SNX30: variants seen among roughly 807,000 people sequenced by gnomAD.
The protein encoded by SNX30 is sorting nexin family member 30.
In SNX30, 24 loss-of-function variants were observed where a neutral mutation model predicts 46.4. The observed-to-expected ratio is 0.52, with a 90% CI of 0.37 to 0.73. The LOEUF is 0.73. SNX30 is among the 30% of genes least tolerant of loss of function. The probability of loss-of-function intolerance (pLI) is 0.00; values close to 1 mark genes in which losing one functional copy is unlikely to be tolerated. For missense variants in SNX30, 533 were observed against 555.7 expected (o/e 0.96, Z 0.41); for synonymous variants, 189 against 211.5 (o/e 0.89, Z 0.92).
intron 3 of SNX30, among the ~76,000 whole-genome samples, chr9:112,825,176 A>G (rs1840563023): frequency 6.6e-6 from 1 of 152,220 alleles, no homozygotes; most frequent in African/African-American, 2.4e-5. Flanking sequence ...ACGGTTTTCC[A>G]CAGTGGCTTA....
At chr9:112,758,302 A>C (rs1839382001) in intron 1 of SNX30, among the ~76,000 whole-genome samples, 1 of 149,740 alleles carries the variant, frequency 6.7e-6, no homozygotes, top group South Asian at 2.1e-4. Context: ...GCTCACTCCC[A>C]TCAATATTTA....
At chr9:112,753,218 A>G (rs887953867) in intron 1 of SNX30, among the ~76,000 whole-genome samples, 3 of 152,194 alleles carry the variant, frequency 2.0e-5, no homozygotes, top group Non-Finnish European at 2.9e-5. Context: ...TACCTGACTC[A>G]GAAGTATGAG....
intron 8 of SNX30, chr9:112,866,410 G>A: frequency 2.1e-6 from 1 of 470,378 alleles, no homozygotes; most frequent in South Asian, 1.5e-5. Context: ...CCCTGGGGCA[G>A]GAAAGAGTTT....
chr9:112,804,416 C>T (rs560347147), intron 1 of SNX30, among the ~76,000 whole-genome samples: 120 of 152,326 alleles, frequency 7.9e-4, no homozygotes, highest in Non-Finnish European at 1.5e-3. Context: ...CCACCTGTCT[C>T]GGCCTCCCAA....
At chr9:112,788,451 G>C (rs188968341) in intron 1 of SNX30, among the ~76,000 whole-genome samples, 2 of 152,306 alleles carry the variant, frequency 1.3e-5, no homozygotes, top group African/African-American at 4.8e-5. Flanking sequence ...GTACAGTTAA[G>C]AGGAATTGGG....
chr9:112,848,320 A>G (rs947778376), intron 6 of SNX30, among the ~76,000 whole-genome samples: 4 of 152,050 alleles, frequency 2.6e-5, no homozygotes, highest in Admixed American at 1.3e-4. Flanking sequence ...AATTTTATCA[A>G]TAGAGACTGG....
intron 3 of SNX30, among the ~76,000 whole-genome samples, chr9:112,824,067 A>C (rs1001146680): frequency 1.3e-5 from 2 of 152,216 alleles, no homozygotes; most frequent in Non-Finnish European, 2.9e-5. Context: ...TGCTTAGAAG[A>C]AGCAAGTCAT....
chr9:112,806,371 A>G (rs1840224288), intron 2 of SNX30, among the ~76,000 whole-genome samples: 1 of 152,092 alleles, frequency 6.6e-6, no homozygotes, highest in Non-Finnish European at 1.5e-5. Flanking sequence ...AAGCTATCCT[A>G]TTTCTTGGTA....
chr9:112,798,121 C>CTTTTTTTTTTT (rs57300324), intron 1 of SNX30, among the ~76,000 whole-genome samples: 2 of 77,884 alleles, frequency 2.6e-5, no homozygotes, highest in African/African-American at 5.1e-5. Flanking sequence ...TTTTTTTTTT[C>CTTTTTTTTTTT]TTTTTTTTTT....
chr9:112,774,734 A>C (rs1275237051), intron 1 of SNX30, among the ~76,000 whole-genome samples: 1 of 152,070 alleles, frequency 6.6e-6, no homozygotes, highest in East Asian at 1.9e-4. Context: ...TTCACATGCA[A>C]ATTGGCTATT....
At chr9:112,868,626 C>T (rs1841398361) in intron 8 of SNX30, among the ~76,000 whole-genome samples, 158 bp from the exon 9 acceptor site, 1 of 152,202 alleles carries the variant, frequency 6.6e-6, no homozygotes, top group Non-Finnish European at 1.5e-5. Context: ...CACCTGTTAC[C>T]TCCCCGTTTG....
intron 6 of SNX30, among the ~76,000 whole-genome samples, chr9:112,846,506 C>T (rs1047924640): frequency 6.6e-6 from 1 of 152,214 alleles, no homozygotes; most frequent in African/African-American, 2.4e-5. Context: ...CTAGTGATAT[C>T]ACCAGTACCA....
intron 4 of SNX30, among the ~76,000 whole-genome samples, chr9:112,836,007 T>G (rs533854808): frequency 3.3e-5 from 5 of 152,276 alleles, no homozygotes; most frequent in African/African-American, 1.2e-4. Context: ...TGAAAGGGAT[T>G]TAAGTGTCAA....
intron 2 of SNX30, among the ~76,000 whole-genome samples, chr9:112,811,738 C>G (rs7856199): frequency 0.76 from 115,891 of 152,088 alleles, 44,644 homozygotes; most frequent in South Asian, 0.86. Context: ...TTTGGACATT[C>G]TGCATTGTGG....
At chr9:112,775,446 C>A (rs1174945201) in intron 1 of SNX30, among the ~76,000 whole-genome samples, 1 of 151,858 alleles carries the variant, frequency 6.6e-6, no homozygotes, top group Non-Finnish European at 1.5e-5. Context: ...CTGTGCCCGG[C>A]CTAAATTTTC....
In SNX30 at chr9:112,870,488, T is replaced by C. The variant is rs1017111795; in HGVS notation, c.*1645T>C. On this transcript the variant is annotated 3_prime_UTR_variant, in exon 9 of 9. Transcript: ENST00000374232. Reference sequence around the variant, plus strand: ...GGTTCTGTTTCATTGTGTTTGACAATGTTGCAGTTTAAATGATAATGTTTA... The same window carrying C: ...GGTTCTGTTTCATTGTGTTTGACAACGTTGCAGTTTAAATGATAATGTTTA... 3 of 152,230 alleles carry C rather than the reference T, an allele frequency of 2.0e-5. No homozygotes were observed. Among genetic ancestry groups the C allele is most frequent in the African/African-American group, 4.8e-5 (2 of 41,456 alleles). The allele number at this position is 152,230 out of a possible 1,614,324, so 9.4% of individuals were successfully genotyped here.
At chr9:112,786,117 CTTTT>C (rs140987500) in intron 1 of SNX30, among the ~76,000 whole-genome samples, 85 of 130,110 alleles carry the variant, frequency 6.5e-4, no homozygotes, top group Non-Finnish European at 6.3e-4. Context: ...AGGAGCTGTC[CTTTT>C]TTTTTTTTTT....
At chr9:112,761,142 C>A (rs541107867) in intron 1 of SNX30, among the ~76,000 whole-genome samples, 5 of 149,806 alleles carry the variant, frequency 3.3e-5, no homozygotes, top group Non-Finnish European at 7.4e-5. Context: ...GTAGCTAGTC[C>A]TAGAGGGCGT....
rs572643292 is a variant in SNX30, at chr9:112,796,382, A to G, written c.157-8394A>G. Among the ~76,000 whole-genome samples, 247 of 152,316 alleles carry G rather than the reference A, an allele frequency of 1.6e-3. 2 individuals are homozygous for G. The highest frequency in any genetic ancestry group is 5.4e-3 in the African/African-American group (224 of 41,564). On this transcript the variant is annotated intron_variant, in intron 1 of 8. Coordinates refer to ENST00000374232, the MANE Select transcript of SNX30 (RefSeq NM_001012994.2). Reference sequence around the variant, plus strand: ...CATGATGTTTATCCTGGAGTTCCAGAGAAGATGTTGTCCCCCTACAAATCC... The same window carrying G: ...CATGATGTTTATCCTGGAGTTCCAGGGAAGATGTTGTCCCCCTACAAATCC...
Sources: allele counts gnomAD v4.1 joint callset (sites outside exome capture counted in the v4.1 genomes callset), GRCh38; gene constraint gnomAD v4.1.1; transcripts MANE v1.5; gene names NCBI Gene and HGNC (gene_info 2026-07-23, HGNC 2026-07-21).